The following SLC39A12 variants were observed in gnomAD, a reference collection of about 807,000 sequenced individuals.
The protein encoded by SLC39A12 is solute carrier family 39 member 12, also known as zinc transporter ZIP12.
In SLC39A12, 63 loss-of-function variants were observed where a neutral mutation model predicts 71.1. That is an observed-to-expected ratio of 0.89 (90% CI 0.72 to 1.09). The LOEUF (loss-of-function observed/expected upper bound fraction) is 1.09. Ranked by LOEUF, SLC39A12 falls within the 50% of genes least tolerant of loss-of-function variation. The pLI is 0.00. For synonymous variants in SLC39A12, 351 were observed against 301.3 expected (o/e 1.16, Z -1.71); for missense variants, 892 against 812.6 (o/e 1.10, Z -1.19).
At chr10:17,995,616 A>G (rs1416679921) in intron 9 of SLC39A12, 40 bp from the exon 10 acceptor site, 2 of 1,571,208 alleles carry the variant, frequency 1.3e-6, no homozygotes, top group Non-Finnish European at 1.7e-6. Flanking sequence ...AATGATGGCC[A>G]TTACTTATCT....
intron 12 of SLC39A12, among the ~76,000 whole-genome samples, chr10:18,022,062 T>A (rs2488118): frequency 6.6e-5 from 10 of 152,156 alleles, no homozygotes; most frequent in Admixed American, 6.5e-4. Context: ...TTTTCTTTTG[T>A]GTTGACCTTG....
At chr10:17,971,742 T>C (rs1834980499) in intron 4 of SLC39A12, among the ~76,000 whole-genome samples, 1 of 152,120 alleles carries the variant, frequency 6.6e-6, no homozygotes, top group African/African-American at 2.4e-5. Flanking sequence ...CTTAGTCTGC[T>C]TAAAGGCTTG....
intron 6 of SLC39A12, among the ~76,000 whole-genome samples, chr10:17,983,333 C>T (rs1389253422): frequency 2.0e-5 from 3 of 151,800 alleles, no homozygotes; most frequent in African/African-American, 4.8e-5. Flanking sequence ...TCTACAAAAA[C>T]GAAAATTAGC....
chr10:17,987,346 A>G (rs1712636723), intron 6 of SLC39A12, 133 bp from the exon 7 acceptor site: 2 of 761,784 alleles, frequency 2.6e-6, no homozygotes, highest in South Asian at 1.8e-5. Context: ...AAATAAAAAC[A>G]AAACACTTAT....
rs763211521 is a variant in SLC39A12, at chr10:18,038,018, CAAAAAAAAAAAAA to C, written c.1948-4666_1948-4654del. On this transcript the variant is annotated intron_variant, in intron 12 of 12. Transcript: ENST00000377369. ...CTAGTGACAGAGTGAGCCTCCATCT[CAAAAAAAAAAAAA>C]AAAAAAAAAAAAAAAAAAAAGCACA... Among the ~76,000 whole-genome samples, 134 of 14,954 alleles carry C rather than the reference CAAAAAAAAAAAAA, an allele frequency of 9.0e-3. 1 individual carries two copies. The highest frequency in any genetic ancestry group is 0.03 in the African/African-American group (128 of 4,322). 9.8% of individuals were successfully genotyped at this position (14,954 alleles called of 152,430 possible). A position where few individuals can be genotyped will look rare whatever the true frequency, so the allele number is the denominator to read the frequency against.
At chr10:17,989,668 C>T (rs1311210883) in intron 7 of SLC39A12, among the ~76,000 whole-genome samples, 1 of 152,060 alleles carries the variant, frequency 6.6e-6, no homozygotes, top group Non-Finnish European at 1.5e-5. Context: ...CCTGTAATCC[C>T]AGCACTTTGG....
At chr10:18,009,483 A>G (rs1386492626) in intron 12 of SLC39A12, among the ~76,000 whole-genome samples, 1 of 152,152 alleles carries the variant, frequency 6.6e-6, no homozygotes, top group Non-Finnish European at 1.5e-5. Flanking sequence ...CCCTCACCAT[A>G]TAGGGTTCTA....
At chr10:17,974,509 C>G (rs1835054696) in intron 4 of SLC39A12, among the ~76,000 whole-genome samples, 1 of 152,216 alleles carries the variant, frequency 6.6e-6, no homozygotes, top group Non-Finnish European at 1.5e-5. Flanking sequence ...CCTGTTAACA[C>G]CGTAGTTCTT....
At chr10:18,001,558 C>T (rs566987928) in intron 11 of SLC39A12, among the ~76,000 whole-genome samples, 16 of 152,312 alleles carry the variant, frequency 1.1e-4, no homozygotes, top group African/African-American at 3.1e-4. Flanking sequence ...ACCATGGTTT[C>T]ATCAACCTGA....
intron 12 of SLC39A12, among the ~76,000 whole-genome samples, chr10:18,031,143 A>G (rs1836836880): frequency 1.4e-5 from 2 of 146,434 alleles, no homozygotes. Flanking sequence ...CATGATTTAT[A>G]GTCATTTGGG....
At chr10:17,986,309 C>T (rs1033733446) in intron 6 of SLC39A12, among the ~76,000 whole-genome samples, 2 of 152,128 alleles carry the variant, frequency 1.3e-5, no homozygotes, top group Admixed American at 6.5e-5. Context: ...CAAAACAACA[C>T]GGTTATTTGA....
chr10:18,039,556 C>T (rs969061700), intron 12 of SLC39A12, among the ~76,000 whole-genome samples: 3 of 152,100 alleles, frequency 2.0e-5, no homozygotes, highest in South Asian at 2.1e-4. Flanking sequence ...AGCAAGACCT[C>T]GTCTCTACTA....
intron 6 of SLC39A12, among the ~76,000 whole-genome samples, chr10:17,986,338 C>A (rs923798060): frequency 2.6e-4 from 39 of 152,188 alleles, no homozygotes; most frequent in African/African-American, 8.2e-4. Flanking sequence ...TTGTCTTAGT[C>A]CTTGCTGTAA....
intron 12 of SLC39A12, 65 bp downstream of exon 12, chr10:18,003,423 A>C (rs1835892978): frequency 7.0e-7 from 1 of 1,427,360 alleles, no homozygotes; most frequent in African/African-American, 1.4e-5. Context: ...GAGAAAAAAA[A>C]CAGTAAAAAT....
intron 12 of SLC39A12, among the ~76,000 whole-genome samples, chr10:18,020,262 C>T (rs920801856): frequency 6.6e-6 from 1 of 151,982 alleles, no homozygotes; most frequent in African/African-American, 2.4e-5. Flanking sequence ...GGATAACGGC[C>T]ACCAGTTTCA....
intron 12 of SLC39A12, among the ~76,000 whole-genome samples, chr10:18,033,393 C>G (rs1265397560): frequency 1.4e-5 from 2 of 148,024 alleles, no homozygotes; most frequent in Admixed American, 6.7e-5. Flanking sequence ...GTGTATGTGT[C>G]GAGGAATTTA....
At chr10:18,031,594 AG>A (rs1473933066) in intron 12 of SLC39A12, among the ~76,000 whole-genome samples, 1 of 107,898 alleles carries the variant, frequency 9.3e-6, no homozygotes, top group African/African-American at 3.4e-5. Flanking sequence ...CCCATTTTGT[AG>A]GTTGCCTGTT....
chr10:17,992,137 T>C (rs1423813119), intron 8 of SLC39A12, among the ~76,000 whole-genome samples: 1 of 151,098 alleles, frequency 6.6e-6, no homozygotes, highest in East Asian at 1.9e-4. Context: ...AGCATAGCAC[T>C]TATTGTTTTT....
At chr10:17,974,636 G>C (rs114181034) in intron 4 of SLC39A12, among the ~76,000 whole-genome samples, 1 of 152,148 alleles carries the variant, frequency 6.6e-6, no homozygotes, top group African/African-American at 2.4e-5. Flanking sequence ...CTCACTCTCT[G>C]TTCTGAGTCA....
Sources: gnomAD v4.1 joint callset for allele counts (sites outside exome capture counted in the v4.1 genomes callset) on GRCh38, gnomAD v4.1.1 for gene constraint, MANE v1.5 for transcripts, NCBI Gene and HGNC (gene_info 2026-07-23, HGNC 2026-07-21) for gene names.